Variants in ERCC4 observed in about 807,000 individuals in gnomAD.
ERCC4 encodes DNA repair endonuclease XPF.
Under a neutral mutation model 76.9 loss-of-function variants are expected in ERCC4, and 65 were observed. That is an observed-to-expected ratio of 0.84 (90% CI 0.69 to 1.04). The LOEUF (loss-of-function observed/expected upper bound fraction) is 1.04, where lower values mean the gene tolerates loss of function less well. ERCC4 is among the 50% of genes least tolerant of loss of function. The pLI is 0.00. For synonymous variants in ERCC4, 463 were observed against 410.1 expected (o/e 1.13, Z -1.56); for missense variants, 1,214 against 1,128.2 (o/e 1.08, Z -1.09).
rs1421341742 is a variant in ERCC4 at position 13,948,587 on chromosome 16, T to G, written c.*240T>G. On this transcript the variant is annotated 3_prime_UTR_variant, in exon 11 of 11. Coordinates refer to ENST00000311895, the MANE Select transcript of ERCC4 (RefSeq NM_005236.3). ...TCTATGCCGGGCTTAGCATGTTTCT[T>G]TTTAAATGAGGTTTGTCAGGATCAG... The G allele has an allele frequency of 1.9e-6, 1 of 527,508 alleles. No individual in the cohort carries two copies. The highest frequency in any genetic ancestry group is 3.4e-6 in the Non-Finnish European group (1 of 293,570). 32.7% of individuals were successfully genotyped at this position (527,508 alleles called of 1,614,324 possible). A position where few individuals can be genotyped will look rare whatever the true frequency, so the allele number is the denominator to read the frequency against.
At chr16:13,932,634 G>T (rs1460186269) in intron 6 of ERCC4, 3 of 353,028 alleles carry the variant, frequency 8.5e-6, no homozygotes, top group Non-Finnish European at 1.5e-5. Flanking sequence ...AATGAGGTTG[G>T]GGCATGGTGG....
At position 13,948,864 on chromosome 16, in the gene ERCC4, T is replaced by A. The variant is rs545416742; in HGVS notation, c.*517T>A. 3 of 232,602 alleles carry A rather than the reference T, an allele frequency of 1.3e-5. No homozygotes were observed. Among genetic ancestry groups the A allele is most frequent in the Admixed American group, 5.6e-5 (1 of 17,768 alleles). 14.4% of individuals were successfully genotyped at this position (232,602 alleles called of 1,614,324 possible). A position where few individuals can be genotyped will look rare whatever the true frequency, so the allele number is the denominator to read the frequency against. ...TGTTGTGTCTGCTGGACGCTTGAAC[T>A]GATGTTTGTGTAGGAAATCATGTTC... On this transcript the variant is annotated 3_prime_UTR_variant, in exon 11 of 11. Coordinates refer to ENST00000311895, the MANE Select transcript of ERCC4 (RefSeq NM_005236.3).
chr16:13,946,158 C>T (rs148211756), intron 10 of ERCC4, among the ~76,000 whole-genome samples: 90 of 152,340 alleles, frequency 5.9e-4, no homozygotes, highest in African/African-American at 2.1e-3. Flanking sequence ...GATCATCCTG[C>T]CTCCATCTTT....
chr16:13,944,219 C>T, intron 9 of ERCC4: 1 of 155,556 alleles, frequency 6.4e-6, no homozygotes, highest in Admixed American at 6.3e-5. Flanking sequence ...CTTTAAAACT[C>T]AGGGTGTTTA....
intron 6 of ERCC4, chr16:13,933,665 G>C (rs1035244420): frequency 4.6e-5 from 7 of 152,676 alleles, no homozygotes; most frequent in African/African-American, 1.7e-4. Context: ...CCGAGATCAT[G>C]CCATTGCCTC....
intron 10 of ERCC4, 84 bp downstream of exon 10, chr16:13,944,919 T>G: frequency 1.1e-6 from 1 of 881,252 alleles, no homozygotes. Flanking sequence ...AGGCTTGGTC[T>G]GTATTAACAA....
In ERCC4 at chr16:13,952,063, G is replaced by A. The variant is rs370469183; in HGVS notation, c.*3716G>A. 7.6e-5 allele frequency: 15 copies of A among 197,358 alleles called. 1 individual carries two copies. Among genetic ancestry groups the A allele is most frequent in the South Asian group, 5.7e-4 (3 of 5,230 alleles). 12.2% of individuals were successfully genotyped at this position (197,358 alleles called of 1,614,324 possible). Reference sequence around the variant, plus strand: ...AACCAGGCTTTTGGTAGCCTAAACCGCTATGCTGTTGTTTTTTTAATTTAA... The same window carrying A: ...AACCAGGCTTTTGGTAGCCTAAACCACTATGCTGTTGTTTTTTTAATTTAA... On this transcript the variant is annotated 3_prime_UTR_variant, in exon 11 of 11. Coordinates refer to ENST00000311895, the MANE Select transcript of ERCC4 (RefSeq NM_005236.3).
At position 13,949,246 on chromosome 16, in the gene ERCC4, CTGGCT is replaced by C; in HGVS notation, c.*900_*904del. 4.3e-6 allele frequency: 1 copy of C among 233,384 alleles called. No homozygotes were observed. The highest frequency in any genetic ancestry group is 8.5e-6 in the Non-Finnish European group (1 of 118,108). 14.5% of individuals were successfully genotyped at this position (233,384 alleles called of 1,614,324 possible). On this transcript the variant is annotated 3_prime_UTR_variant, in exon 11 of 11. Transcript: ENST00000311895. Reference sequence around the variant, plus strand: ...TAATATCAGAGATCCCTAAGTCCAGCTGGCTAGTTACAGAGTTTTTTCAGACTTCC... The same window carrying C: ...TAATATCAGAGATCCCTAAGTCCAGCAGTTACAGAGTTTTTTCAGACTTCC...
chr16:13,931,525 CTGCCTTGGTTCA>C (rs1853161982), intron 5 of ERCC4: 1 of 155,956 alleles, frequency 6.4e-6, no homozygotes, highest in Non-Finnish European at 1.4e-5. Context: ...TTTCATGGCA[CTGCCTTGGTTCA>C]TGCTACGGCA....
intron 2 of ERCC4, among the ~76,000 whole-genome samples, chr16:13,923,643 C>A (rs2032019840): frequency 6.6e-6 from 1 of 152,130 alleles, no homozygotes; most frequent in Non-Finnish European, 1.5e-5. Context: ...TTTTCATTAA[C>A]CCCAGTTTTC....
chr16:13,935,860 T>A, intron 8 of ERCC4, 117 bp downstream of exon 8: 1 of 857,066 alleles, frequency 1.2e-6, no homozygotes, highest in Non-Finnish European at 2.0e-6. Context: ...CTTATGTTTA[T>A]GAAACCTTAT....
chr16:13,940,187 G>A lies in ERCC4; in HGVS notation c.1904+2329G>A, dbSNP rs1185044593. 3.9e-5 allele frequency among the ~76,000 whole-genome samples: 6 copies of A among 152,254 alleles called. No homozygotes were observed. In the South Asian group the frequency reaches 6.2e-4, roughly 16 times the overall value. On this transcript the variant is annotated intron_variant, in intron 9 of 10. Transcript: ENST00000311895. ...AGATCACTTGAAGTCAGGAGTTCAC[G>A]ACCAGCCTGGCCAACATGGTGAAAC...
At chr16:13,944,127 C>T (rs1279954089) in intron 9 of ERCC4, 2 of 156,736 alleles carry the variant, frequency 1.3e-5, no homozygotes, top group African/African-American at 4.8e-5. Flanking sequence ...CAAGGCATAA[C>T]CTGAGCTGTT....
In ERCC4 at chr16:13,930,842, C is replaced by A. The variant is rs1305871177; in HGVS notation, c.925C>A (p.Leu309Ile). Reference sequence around the variant, plus strand: ...GTATGATTGTGTCACATTTCTTAATCTTCTGGAATCTCTGAGAGCAACGGA... The same window carrying A: ...GTATGATTGTGTCACATTTCTTAATATTCTGGAATCTCTGAGAGCAACGGA... ...SQYDCVTFLN[L>I]LESLRATEKA... Residue 309 changes from leucine to isoleucine, a missense_variant, in exon 5 of 11, where the codon CTT becomes ATT. Leu to Ile is a conservative substitution (Grantham distance 5). Coordinates refer to ENST00000311895, the MANE Select transcript of ERCC4 (RefSeq NM_005236.3). The A allele has an allele frequency of 1.2e-6, 2 of 1,613,452 alleles. No homozygotes were observed. Among genetic ancestry groups the A allele is most frequent in the East Asian group, 2.2e-5 (1 of 44,870 alleles).
intron 1 of ERCC4, 51 bp from the exon 2 acceptor site, chr16:13,921,980 A>G (rs2031984815): frequency 3.1e-6 from 4 of 1,292,882 alleles, no homozygotes; most frequent in Middle Eastern, 1.8e-4. Flanking sequence ...GTGACCTATT[A>G]AAAACTGCCC....
chr16:13,929,445 G>A (rs779931423), intron 4 of ERCC4, among the ~76,000 whole-genome samples: 5 of 152,152 alleles, frequency 3.3e-5, no homozygotes, highest in Non-Finnish European at 7.3e-5. Flanking sequence ...CAGTCATCCA[G>A]ATACTTCTCC....
chr16:13,933,082 A>C, intron 6 of ERCC4: 1 of 397,956 alleles, frequency 2.5e-6, no homozygotes, highest in Non-Finnish European at 4.9e-6. Flanking sequence ...AAAACTTTTA[A>C]AGTAGCCTGG....
chr16:13,926,419 T>C (rs1373332480), intron 2 of ERCC4, 142 bp from the exon 3 acceptor site: 15 of 741,778 alleles, frequency 2.0e-5, no homozygotes, highest in Non-Finnish European at 3.6e-5. Context: ...AGGACAGGGA[T>C]TTATCTCTGT....
chr16:13,938,503 A>C (rs1035885902), intron 9 of ERCC4, among the ~76,000 whole-genome samples: 1 of 152,208 alleles, frequency 6.6e-6, no homozygotes, highest in African/African-American at 2.4e-5. Flanking sequence ...GATAAATCTG[A>C]TAACCACCTA....
Sources: gnomAD v4.1 joint callset for allele counts (sites outside exome capture counted in the v4.1 genomes callset) on GRCh38, gnomAD v4.1.1 for gene constraint, MANE v1.5 for transcripts, NCBI Gene and HGNC (gene_info 2026-07-23, HGNC 2026-07-21) for gene names.